OTUD7A: variants seen among roughly 807,000 people sequenced by gnomAD.
OTUD7A encodes the protein OTU domain-containing protein 7A.
A neutral mutation model predicts 65.7 loss-of-function variants in OTUD7A; 12 were observed. That is an observed-to-expected ratio of 0.18 (90% confidence interval 0.12 to 0.30). The LOEUF (loss-of-function observed/expected upper bound fraction) is 0.30. Ranked by LOEUF, OTUD7A falls within the 10% of genes least tolerant of loss-of-function variation. OTUD7A has a pLI of 1.00. For synonymous variants in OTUD7A, 641 were observed against 586.3 expected (o/e 1.09, Z -1.35); for missense variants, 1,148 against 1,304.8 (o/e 0.88, Z 1.85).
rs190654569 is a variant in OTUD7A at position 31,739,860 on chromosome 15, T to C, written c.-99-82783A>G. 5.9e-4 allele frequency among the ~76,000 whole-genome samples: 90 copies of C among 152,358 alleles called. 1 individual carries two copies. The highest frequency in any genetic ancestry group is 1.2e-4 in the Non-Finnish European group (8 of 68,032). On this transcript the variant is annotated intron_variant, in intron 1 of 12. Coordinates refer to ENST00000307050, the MANE Select transcript of OTUD7A (RefSeq NM_001382637.1). ...GTGCTGGGATTAAAGGCTGAACCAC[T>C]GCGCCTGGCCTCACCATGTCTTGAA... is the stretch of plus-strand genomic sequence containing the variant.
intron 1 of OTUD7A, among the ~76,000 whole-genome samples, chr15:31,789,636 T>C (rs1567023792): frequency 6.6e-6 from 1 of 151,906 alleles, no homozygotes; most frequent in South Asian, 2.1e-4. Flanking sequence ...TAGAAACATA[T>C]CTGTCTCTGC....
chr15:31,623,991 T>C (rs1239390278), intron 3 of OTUD7A, among the ~76,000 whole-genome samples: 1 of 152,264 alleles, frequency 6.6e-6, no homozygotes, highest in African/African-American at 2.4e-5. Context: ...ATGTTGTAAT[T>C]TCTAGAGGTA....
chr15:31,766,852 G>T, intron 1 of OTUD7A: 1 of 1,611,564 alleles, frequency 6.2e-7, no homozygotes, highest in Non-Finnish European at 8.5e-7. Flanking sequence ...GTTCGGAAAA[G>T]ATTGATGGAA....
At chr15:31,620,288 A>C (rs1158210295) in intron 3 of OTUD7A, among the ~76,000 whole-genome samples, 1 of 152,136 alleles carries the variant, frequency 6.6e-6, no homozygotes, top group African/African-American at 2.4e-5. Context: ...TCATAAAATG[A>C]GTTAGGAAGG....
At chr15:31,794,549 T>C (rs1895900570) in intron 1 of OTUD7A, among the ~76,000 whole-genome samples, 1 of 152,084 alleles carries the variant, frequency 6.6e-6, no homozygotes, top group South Asian at 2.1e-4. Flanking sequence ...AAATGTCTAA[T>C]TGATTCATTC....
At chr15:31,808,136 C>CACACACACACAAAAAAA (rs772574742) in intron 1 of OTUD7A, among the ~76,000 whole-genome samples, 8 of 119,506 alleles carry the variant, frequency 6.7e-5, no homozygotes, top group South Asian at 2.5e-4. Flanking sequence ...CACACACACA[C>CACACACACACAAAAAAA]AAACAAATCC....
intron 3 of OTUD7A, among the ~76,000 whole-genome samples, chr15:31,619,194 G>C (rs1254569583): frequency 6.6e-6 from 1 of 152,194 alleles, no homozygotes; most frequent in East Asian, 1.9e-4. Context: ...AGTATGGTTT[G>C]AAGTCAGGTA....
intron 8 of OTUD7A, among the ~76,000 whole-genome samples, chr15:31,515,489 C>A (rs1245515776): frequency 6.6e-6 from 1 of 152,190 alleles, no homozygotes; most frequent in East Asian, 1.9e-4. Flanking sequence ...TTACTATACA[C>A]TGGTGCTGTG....
In OTUD7A at chr15:31,481,008, C is replaced by G. The variant is rs1024825269; in HGVS notation, c.*2286G>C. The G allele has an allele frequency of 1.3e-5, 2 of 152,230 alleles. No individual in the cohort carries two copies. The highest frequency in any genetic ancestry group is 4.8e-5 in the African/African-American group (2 of 41,456). 9.4% of individuals were successfully genotyped at this position (152,230 alleles called of 1,614,324 possible). A position where few individuals can be genotyped will look rare whatever the true frequency, so the allele number is the denominator to read the frequency against. On this transcript the variant is annotated 3_prime_UTR_variant, in exon 13 of 13. Coordinates refer to ENST00000307050, the MANE Select transcript of OTUD7A (RefSeq NM_001382637.1). ...CCTGGTGTTTTGATAATTACGTACT[C>G]TGCCTGGTTTGGAAGGTTTTCCTCT...
chr15:31,790,980 C>T (rs574769184), intron 1 of OTUD7A, among the ~76,000 whole-genome samples: 1 of 152,106 alleles, frequency 6.6e-6, no homozygotes, highest in African/African-American at 2.4e-5. Context: ...AGGTGCAAGT[C>T]TTGAGTTTTA....
intron 3 of OTUD7A, among the ~76,000 whole-genome samples, chr15:31,610,593 T>TTTTATA (rs1555401165): frequency 6.2e-5 from 5 of 81,014 alleles, no homozygotes; most frequent in African/African-American, 3.0e-4. Context: ...AAAAATGAAA[T>TTTTATA]TATATATATA....
intron 1 of OTUD7A, among the ~76,000 whole-genome samples, chr15:31,852,805 C>T (rs746071867): frequency 2.0e-4 from 31 of 152,198 alleles, no homozygotes; most frequent in Non-Finnish European, 3.8e-4. Flanking sequence ...GAAATTACAG[C>T]GCTAATTTAA....
At chr15:31,628,501 T>C (rs1002561230) in intron 3 of OTUD7A, among the ~76,000 whole-genome samples, 2 of 152,206 alleles carry the variant, frequency 1.3e-5, no homozygotes, top group African/African-American at 2.4e-5. Context: ...TGTAGCCTTG[T>C]AGTATAGTTT....
At chr15:31,867,819 GAC>G (rs773172674) in intron 1 of OTUD7A, among the ~76,000 whole-genome samples, 2 of 150,182 alleles carry the variant, frequency 1.3e-5, no homozygotes, top group Non-Finnish European at 3.0e-5. Flanking sequence ...CTACATTCCA[GAC>G]TCCACAACCT....
intron 1 of OTUD7A, among the ~76,000 whole-genome samples, chr15:31,812,395 G>C (rs1896443076): frequency 6.6e-6 from 1 of 152,186 alleles, no homozygotes; most frequent in Non-Finnish European, 1.5e-5. Context: ...AATGTGAAAA[G>C]GACAGAATTT....
chr15:31,751,559 C>T (rs566197022), intron 1 of OTUD7A, among the ~76,000 whole-genome samples: 1 of 152,300 alleles, frequency 6.6e-6, no homozygotes, highest in East Asian at 1.9e-4. Context: ...AATCCCATTA[C>T]TGGGTATCTA....
chr15:31,494,298 G>A (rs2041354974), intron 10 of OTUD7A, among the ~76,000 whole-genome samples: 1 of 152,192 alleles, frequency 6.6e-6, no homozygotes, highest in Non-Finnish European at 1.5e-5. Flanking sequence ...TATAACAACA[G>A]GCACGAGAGC....
intron 3 of OTUD7A, among the ~76,000 whole-genome samples, chr15:31,642,139 A>C (rs1449070525): frequency 2.0e-5 from 3 of 152,218 alleles, no homozygotes; most frequent in African/African-American, 7.2e-5. Flanking sequence ...TGTGGATTTT[A>C]CCAAAAGCTC....
chr15:31,827,315 G>A (rs965618538), intron 1 of OTUD7A, among the ~76,000 whole-genome samples: 1 of 152,234 alleles, frequency 6.6e-6, no homozygotes, highest in African/African-American at 2.4e-5. Context: ...GAGGCAAAGA[G>A]AGAATGACGA....
Sources: gnomAD v4.1 joint callset for allele counts (sites outside exome capture counted in the v4.1 genomes callset) on GRCh38, gnomAD v4.1.1 for gene constraint, MANE v1.5 for transcripts, NCBI Gene and HGNC (gene_info 2026-07-23, HGNC 2026-07-21) for gene names.